Variants in KLF13 observed in about 807,000 individuals in gnomAD.
The protein encoded by KLF13 is KLF transcription factor 13.
A neutral mutation model predicts 16.7 loss-of-function variants in KLF13; 8 were observed. The ratio of observed to expected loss-of-function variants is 0.48; its 90% CI spans 0.28 to 0.87. KLF13 has a LOEUF of 0.87. Among genes scored for constraint, KLF13 ranks in the 40% least tolerant of loss-of-function variants. The pLI is 0.10. For missense variants in KLF13, 447 were observed against 452.2 expected (o/e 0.99, Z 0.10); for synonymous variants, 245 against 208.4 (o/e 1.18, Z -1.51).
intron 1 of KLF13, 118 bp downstream of exon 1, chr15:31,327,907 C>T: frequency 4.5e-6 from 5 of 1,105,110 alleles, no homozygotes; most frequent in Non-Finnish European, 5.6e-6. Context: ...CCGGAACGCC[C>T]GGGGCCTCGC....
At chr15:31,336,350 G>A (rs1446195785) in intron 1 of KLF13, among the ~76,000 whole-genome samples, 3 of 152,282 alleles carry the variant, frequency 2.0e-5, no homozygotes, top group East Asian at 3.9e-4. Context: ...CCATATGTGG[G>A]TCCAAGCTGT....
At position 31,372,128 on chromosome 15, in the gene KLF13, C is replaced by T. The variant is rs1224099118; in HGVS notation, c.696C>T (p.Cys232=). Residue 232 remains cysteine, a synonymous_variant, in exon 2 of 2, where the codon TGC becomes TGT. Coordinates refer to ENST00000307145, the MANE Select transcript of KLF13 (RefSeq NM_015995.4). ...TGEKKFSCPI[C]EKRFMRSDHL... ...AGAAGAAGTTCAGCTGCCCCATCTG[C>T]GAGAAGCGCTTCATGCGCAGCGACC... 3.1e-6 allele frequency: 5 copies of T among 1,612,982 alleles called. No homozygotes were observed. The highest frequency in any genetic ancestry group is 1.3e-5 in the African/African-American group (1 of 74,940).
intron 1 of KLF13, among the ~76,000 whole-genome samples, chr15:31,334,064 C>G (rs2038884461): frequency 6.6e-6 from 1 of 152,176 alleles, no homozygotes; most frequent in Admixed American, 6.5e-5. Context: ...ACTCCATCTT[C>G]CAGCTTCCTT....
rs550121462 is a variant in KLF13 at position 31,377,413 on chromosome 15, C to T, written c.*5114C>T. 1 of 152,772 alleles carries T rather than the reference C, an allele frequency of 6.5e-6. No individual in the cohort carries two copies. The highest frequency in any genetic ancestry group is 2.1e-4 in the South Asian group (1 of 4,822). 9.5% of individuals were successfully genotyped at this position (152,772 alleles called of 1,614,324 possible). On this transcript the variant is annotated 3_prime_UTR_variant, in exon 2 of 2. Coordinates refer to ENST00000307145, the MANE Select transcript of KLF13 (RefSeq NM_015995.4). The stretch of plus-strand genomic sequence containing the variant: ...TGCATTGTCATTGTCGGGTTTGGGG[C>T]TTTCGGTGGTTCCTTGGTGACTGGG...
chr15:31,351,606 G>A (rs149709203), intron 1 of KLF13, among the ~76,000 whole-genome samples: 46 of 152,334 alleles, frequency 3.0e-4, no homozygotes, highest in African/African-American at 1.1e-3. Flanking sequence ...TTCAGGGCAG[G>A]TTGCTTCTTT....
intron 1 of KLF13, among the ~76,000 whole-genome samples, chr15:31,342,179 T>C (rs1478645860): frequency 6.6e-6 from 1 of 152,158 alleles, no homozygotes; most frequent in Non-Finnish European, 1.5e-5. Flanking sequence ...GGCTTGAAAG[T>C]TGCCCTGCAC....
At chr15:31,348,776 A>G (rs1455585014) in intron 1 of KLF13, among the ~76,000 whole-genome samples, 7 of 152,142 alleles carry the variant, frequency 4.6e-5, no homozygotes, top group Non-Finnish European at 5.9e-5. Flanking sequence ...GATGGGTGGC[A>G]AATAAACAAC....
chr15:31,341,228 A>G (rs1332837184), intron 1 of KLF13, among the ~76,000 whole-genome samples: 1 of 152,220 alleles, frequency 6.6e-6, no homozygotes, highest in African/African-American at 2.4e-5. Context: ...AGAGTGGGAC[A>G]GGCTGAGCCC....
intron 1 of KLF13, among the ~76,000 whole-genome samples, chr15:31,355,563 G>T (rs553612473): frequency 6.6e-6 from 1 of 152,054 alleles, no homozygotes; most frequent in Non-Finnish European, 1.5e-5. Flanking sequence ...GCTCGATAAC[G>T]TGCTCATAGG....
chr15:31,390,486 T>C (rs528371086), upstream of KLF13, among the ~76,000 whole-genome samples: 5 of 152,362 alleles, frequency 3.3e-5, no homozygotes, highest in African/African-American at 1.2e-4. Context: ...GGGGATCTGA[T>C]GCACTGCAGT....
At chr15:31,368,881 T>C (rs2039515832) in intron 1 of KLF13, among the ~76,000 whole-genome samples, 1 of 152,068 alleles carries the variant, frequency 6.6e-6, no homozygotes, top group Non-Finnish European at 1.5e-5. Context: ...ACAGAGGAGC[T>C]TGCAACAAAA....
At chr15:31,423,133 G>GTATATATA (rs771153714) in intron 1 of KLF13, among the ~76,000 whole-genome samples, 1 of 95,646 alleles carries the variant, frequency 1.0e-5, no homozygotes, top group African/African-American at 6.5e-5. Context: ...GTATATATAC[G>GTATATATA]TATACGTATA....
downstream of KLF13, among the ~76,000 whole-genome samples, chr15:31,378,681 CTG>C (rs1243739306): frequency 1.3e-5 from 2 of 152,212 alleles, no homozygotes; most frequent in Non-Finnish European, 2.9e-5. Context: ...GGGCTGTACA[CTG>C]TTCATACATG....
chr15:31,370,834 T>C (rs552291785), intron 1 of KLF13, among the ~76,000 whole-genome samples: 2 of 152,334 alleles, frequency 1.3e-5, no homozygotes, highest in South Asian at 4.1e-4. Flanking sequence ...TTCTTCTCTT[T>C]CCTGGCTTCA....
At chr15:31,391,166 C>G (rs59970767), upstream of KLF13, among the ~76,000 whole-genome samples, 2 of 46,200 alleles carry the variant, frequency 4.3e-5, no homozygotes, top group Non-Finnish European at 8.6e-5. Context: ...CTCTGTAGGG[C>G]TGAGGGGGTT....
At chr15:31,343,501 G>A (rs148503610) in intron 1 of KLF13, among the ~76,000 whole-genome samples, 1,712 of 152,296 alleles carry the variant, frequency 0.011, 42 homozygotes, top group Admixed American at 0.033. Context: ...AGGCAAGGAG[G>A]CATGAGGGGT....
intron 1 of KLF13, among the ~76,000 whole-genome samples, chr15:31,362,793 G>A (rs1011222103): frequency 8.5e-5 from 13 of 152,212 alleles, no homozygotes; most frequent in Middle Eastern, 3.4e-3. Flanking sequence ...AGGCCAAGGC[G>A]CACGTAGATC....
At chr15:31,339,361 T>A (rs960713544) in intron 1 of KLF13, among the ~76,000 whole-genome samples, 5 of 152,250 alleles carry the variant, frequency 3.3e-5, no homozygotes, top group Middle Eastern at 3.4e-3. Flanking sequence ...AATGTTTTAG[T>A]GATTCATTGA....
chr15:31,329,293 G>A lies in KLF13; in HGVS notation c.577+1504G>A, dbSNP rs536366314. ...TGGCCCTGGGGGAGGGGCCAGGCTA[G>A]GCTCAGCTCGGCTCCAGGTGGATCC... On this transcript the variant is annotated intron_variant, in intron 1 of 1. Coordinates refer to ENST00000307145, the MANE Select transcript of KLF13 (RefSeq NM_015995.4). 8.0e-5 allele frequency among the ~76,000 whole-genome samples: 12 copies of A among 149,852 alleles called. No individual in the cohort carries two copies. The South Asian group carries it at 2.1e-3, about 27-fold the overall frequency.
Sources: gnomAD v4.1 joint callset for allele counts (sites outside exome capture counted in the v4.1 genomes callset) on GRCh38, gnomAD v4.1.1 for gene constraint, MANE v1.5 for transcripts, NCBI Gene and HGNC (gene_info 2026-07-23, HGNC 2026-07-21) for gene names.